ATP7B: variants seen among roughly 807,000 people sequenced by gnomAD.
ATP7B encodes the protein ATPase copper transporting beta.
A neutral mutation model predicts 118.9 loss-of-function variants in ATP7B; 113 were observed. The ratio of observed to expected loss-of-function variants is 0.95; its 90% CI spans 0.82 to 1.11. The LOEUF (loss-of-function observed/expected upper bound fraction) is 1.11, where lower values mean the gene tolerates loss of function less well. Ranked by LOEUF, ATP7B falls within the 50% of genes most tolerant of loss-of-function variation. ATP7B has a pLI of 0.00. For missense variants in ATP7B, 1,867 were observed against 1,871.4 expected, an observed-to-expected ratio of 1.00 and a Z score of 0.04; for synonymous variants, 777 against 727.4, an observed-to-expected ratio of 1.07 and a Z score of -1.10.
At chr13:51,941,925 A>C (rs1350448561) in intron 15 of ATP7B, among the ~76,000 whole-genome samples, 1 of 152,204 alleles carries the variant, frequency 6.6e-6, no homozygotes, top group Non-Finnish European at 1.5e-5. Flanking sequence ...TACCTTGAGA[A>C]TAAAAAAGGC....
At chr13:51,993,330 G>C (rs550441452) in intron 1 of ATP7B, among the ~76,000 whole-genome samples, 2 of 151,374 alleles carry the variant, frequency 1.3e-5, no homozygotes, top group Non-Finnish European at 2.9e-5. Flanking sequence ...CACTTTGGGA[G>C]GGGGAGGCAG....
intron 1 of ATP7B, among the ~76,000 whole-genome samples, chr13:52,004,961 G>C (rs993465238): frequency 2.0e-5 from 3 of 152,204 alleles, no homozygotes; most frequent in Non-Finnish European, 2.9e-5. Flanking sequence ...GCACCTTCCA[G>C]AGCAGCAGCC....
In ATP7B at chr13:51,974,252, A is replaced by G. The variant is rs1186805034; in HGVS notation, c.968T>C (p.Phe323Ser). Reference sequence around the variant, plus strand: ...GGCTCCATCAGGAAGAGAAACTTTAAAATTCCCAGGTGGAAGTGCCTCGAT... The same window carrying G: ...GGCTCCATCAGGAAGAGAAACTTTAGAATTCCCAGGTGGAAGTGCCTCGAT... ...RAIEALPPGN[F>S]KVSLPDGAEG... is the part of the protein sequence containing the mutation. Residue 323 changes from phenylalanine to serine, a missense_variant, in exon 2 of 21, where the codon TTT (phenylalanine) becomes TCT (serine). Physicochemically the swap from Phe to Ser is radical, Grantham distance 155 (BLOSUM62 -2). Transcript: ENST00000242839. The G allele has an allele frequency of 8.7e-6, 14 of 1,613,818 alleles. No individual in the cohort carries two copies. The highest frequency in any genetic ancestry group is 1.1e-5 in the Non-Finnish European group (13 of 1,179,982).
chr13:52,005,293 C>A (rs915631634), intron 1 of ATP7B, among the ~76,000 whole-genome samples: 3 of 152,204 alleles, frequency 2.0e-5, no homozygotes, highest in African/African-American at 4.8e-5. Context: ...TTTCTTCTTG[C>A]ATTTTCTTAT....
Position 51,944,127 on chromosome 13 carries a change from G to A in ATP7B, c.3225C>T (p.Val1075=). The A allele has an allele frequency of 1.2e-6, 2 of 1,614,082 alleles. No individual in the cohort carries two copies. The highest frequency in any genetic ancestry group is 1.7e-6 in the Non-Finnish European group (2 of 1,180,010). ...CACGTACCTCTTTACAGTATTTGGT[G>A]ACTGCCACGCCCAAGGGGTGTTCAC... is the stretch of plus-strand genomic sequence containing the variant. ...ASSEHPLGVA[V]TKYCKEELGT... Residue 1075 remains valine (V), a synonymous_variant, in exon 14 of 21, where the codon GTC becomes GTT. Transcript: ENST00000242839.
Position 52,001,263 on chromosome 13 carries a change from C to T in ATP7B, c.51+10024G>A, listed in dbSNP as rs566750898. ...GCTCTTAGCCCCTAAAGTCTATTCT[C>T]AACACAAAAGTCAGAATACCTATAA... On this transcript the variant is annotated intron_variant, in intron 1 of 20. Coordinates refer to ENST00000242839, the MANE Select transcript of ATP7B (RefSeq NM_000053.4). 6.6e-4 allele frequency among the ~76,000 whole-genome samples: 101 copies of T among 152,248 alleles called. No homozygotes were observed. In the South Asian group the frequency reaches 0.02, roughly 30 times the overall value.
chr13:52,008,634 A>C (rs1953887185), intron 1 of ATP7B, among the ~76,000 whole-genome samples: 1 of 152,186 alleles, frequency 6.6e-6, no homozygotes, highest in Admixed American at 6.5e-5. Flanking sequence ...ACGGTTTAAG[A>C]AGCTCTATGT....
intron 1 of ATP7B, among the ~76,000 whole-genome samples, chr13:51,985,614 A>T (rs1261130310): frequency 6.6e-6 from 1 of 152,252 alleles, no homozygotes. Flanking sequence ...CAGAATATAC[A>T]TTCTTCTCAG....
At chr13:51,970,084 T>A (rs1164304277) in intron 3 of ATP7B, among the ~76,000 whole-genome samples, 1 of 152,226 alleles carries the variant, frequency 6.6e-6, no homozygotes, top group Non-Finnish European at 1.5e-5. Context: ...AAACACTCTC[T>A]GGTTTACAGG....
At chr13:51,973,330 C>T (rs936457265) in intron 2 of ATP7B, among the ~76,000 whole-genome samples, 2 of 152,196 alleles carry the variant, frequency 1.3e-5, no homozygotes, top group Non-Finnish European at 2.9e-5. Flanking sequence ...TCAAGTCAGC[C>T]ATGGTTTGAC....
chr13:52,007,169 T>C (rs887969554), intron 1 of ATP7B, among the ~76,000 whole-genome samples: 1 of 152,212 alleles, frequency 6.6e-6, no homozygotes, highest in African/African-American at 2.4e-5. Context: ...AATAGTTTTT[T>C]AAACGGTAAA....
rs1434831637 is a variant in ATP7B at position 51,989,557 on chromosome 13, A to T, written c.52-14389T>A. Among the ~76,000 whole-genome samples, 3 of 152,358 alleles carry T rather than the reference A, an allele frequency of 2.0e-5. No homozygotes were observed. In the East Asian group the frequency reaches 5.8e-4, roughly 29 times the overall value. On this transcript the variant is annotated intron_variant, in intron 1 of 20. Transcript: ENST00000242839. ...AAAAAAAAAAAAGTGAGTAAAATTA[A>T]AAACAAAATTAACAAACCTCACCAC...
intron 1 of ATP7B, among the ~76,000 whole-genome samples, chr13:51,979,324 C>T (rs1014103281): frequency 6.6e-6 from 1 of 152,108 alleles, no homozygotes; most frequent in Non-Finnish European, 1.5e-5. Flanking sequence ...CAAATGGATG[C>T]TTGTATAGGC....
Position 51,974,942 on chromosome 13 carries a change from A to C in ATP7B, c.278T>G (p.Leu93Arg). The stretch of plus-strand genomic sequence containing the variant: ...TTTCACAGTGGCACTGCCTTGTTCC[A>C]GGGAAACCTTCATGCTGATGATGCC... ...LKGIISMKVSLEQGSATVKYV... is the reference protein window; with the variant it reads ...LKGIISMKVSREQGSATVKYV... Residue 93 changes from leucine (L) to arginine (R), a missense_variant, in exon 2 of 21, where the codon CTG (leucine) becomes CGG (arginine). Coordinates refer to ENST00000242839, the MANE Select transcript of ATP7B (RefSeq NM_000053.4). 1.2e-6 allele frequency: 2 copies of C among 1,614,214 alleles called. No homozygotes were observed. The highest frequency in any genetic ancestry group is 1.7e-6 in the Non-Finnish European group (2 of 1,180,022).
At position 51,967,097 on chromosome 13, in the gene ATP7B, A is replaced by G. The variant is rs1347338165; in HGVS notation, c.1707+1347T>C. 4 of 1,596,236 alleles carry G rather than the reference A, an allele frequency of 2.5e-6. No homozygotes were observed. The East Asian group carries it at 8.9e-5, about 36-fold the overall frequency. ...TTGAAAGATGGGAAATTAGTGGTGG[A>G]GTGTGTCATGAACAATGTCACCTGT... On this transcript the variant is annotated intron_variant, in intron 4 of 20. Coordinates refer to ENST00000242839, the MANE Select transcript of ATP7B (RefSeq NM_000053.4).
intron 1 of ATP7B, among the ~76,000 whole-genome samples, chr13:51,992,507 A>T (rs1261641808): frequency 1.3e-5 from 2 of 152,218 alleles, no homozygotes; most frequent in Non-Finnish European, 2.9e-5. Context: ...CCAAGTGCTA[A>T]ATGTTAGTTC....
At chr13:51,950,788 C>T (rs1413803596) in intron 9 of ATP7B, among the ~76,000 whole-genome samples, 1 of 152,026 alleles carries the variant, frequency 6.6e-6, no homozygotes, top group Non-Finnish European at 1.5e-5. Context: ...GGGAAGGTAA[C>T]ATTTAAGCTG....
At chr13:51,977,245 T>TTA (rs1952165159) in intron 1 of ATP7B, among the ~76,000 whole-genome samples, 1 of 151,614 alleles carries the variant, frequency 6.6e-6, no homozygotes, top group African/African-American at 2.4e-5. Context: ...TTTTTTTTTT[T>TTA]ACTTTCGACT....
chr13:51,960,178 G>T lies in ATP7B; in HGVS notation c.2091C>A (p.Leu697=), dbSNP rs1486015000. Residue 697 remains leucine (L), a synonymous_variant, in exon 7 of 21, where the codon CTC becomes CTA. Transcript: ENST00000242839. ...CAAAGGTACACAAGATAAAGAAGATGAGATTTAGAATGGACAGTCCTGGAA... is the reference window on the plus strand; with the variant it reads ...CAAAGGTACACAAGATAAAGAAGATTAGATTTAGAATGGACAGTCCTGGAA... ...NIIPGLSILN[L]IFFILCTFVQ... 5 of 1,614,008 alleles carry T rather than the reference G, an allele frequency of 3.1e-6. No homozygotes were observed. In the South Asian group the frequency reaches 5.5e-5, roughly 18 times the overall value.
Sources: gnomAD v4.1 joint callset for allele counts (sites outside exome capture counted in the v4.1 genomes callset) on GRCh38, gnomAD v4.1.1 for gene constraint, MANE v1.5 for transcripts, NCBI Gene and HGNC (gene_info 2026-07-23, HGNC 2026-07-21) for gene names.